SRGAP2: variants seen among roughly 807,000 people sequenced by gnomAD.
The protein encoded by SRGAP2 is SLIT-ROBO Rho GTPase activating protein 2.
SRGAP2 carries 15 observed loss-of-function variants against 57.2 expected under a neutral mutation model. That is an observed-to-expected ratio of 0.26 (90% CI 0.18 to 0.40). SRGAP2 has a LOEUF of 0.40. SRGAP2 is among the 10% of genes least tolerant of loss of function. The pLI is 1.00. For synonymous variants in SRGAP2, 249 were observed against 248.0 expected (o/e 1.00, Z -0.04); for missense variants, 520 against 669.6 (o/e 0.78, Z 2.47).
intron 10 of SRGAP2, among the ~76,000 whole-genome samples, chr1:206,413,609 TG>T (rs1659407824): frequency 6.6e-6 from 1 of 152,226 alleles, no homozygotes; most frequent in African/African-American, 2.4e-5. Flanking sequence ...GGGCTTGGTT[TG>T]TAACTGCTGA....
intron 14 of SRGAP2, among the ~76,000 whole-genome samples, chr1:206,435,085 C>A (rs1028492121): frequency 3.3e-5 from 5 of 152,180 alleles, no homozygotes; most frequent in African/African-American, 1.2e-4. Flanking sequence ...ACATTGCCTG[C>A]CACTCTGTGA....
At chr1:206,230,874 C>T (rs1331622608) in intron 2 of SRGAP2, among the ~76,000 whole-genome samples, 2 of 144,710 alleles carry the variant, frequency 1.4e-5, no homozygotes, top group East Asian at 3.9e-4. Flanking sequence ...GATCCGCTTA[C>T]CTCGGCCTCT....
In SRGAP2 at chr1:206,453,205, G is replaced by T; in HGVS notation, c.2185G>T (p.Glu729Ter). ...TTCTTTTCCACCCTTCTCAGAATGT[G>T]AGCCCATCGAGGCCATTGCCAAGTT... ...AEHHTSDDEC[E>*]PIEAIAKFDY... is the part of the protein sequence containing the mutation. Residue 729 changes from glutamate (E) to a stop codon, truncating the protein, a stop_gained, in exon 20 of 23, where the codon GAG becomes TAG. Coordinates refer to ENST00000573034, the MANE Select transcript of SRGAP2 (RefSeq NM_015326.5). LOFTEE classifies it high-confidence loss of function. 1.9e-6 allele frequency: 1 copy of T among 528,922 alleles called. No individual in the cohort carries two copies. Among genetic ancestry groups the T allele is most frequent in the South Asian group, 2.7e-5 (1 of 37,424 alleles). 32.8% of individuals were successfully genotyped at this position (528,922 alleles called of 1,614,324 possible).
At chr1:206,309,679 A>G (rs1672490425) in intron 3 of SRGAP2, among the ~76,000 whole-genome samples, 1 of 151,930 alleles carries the variant, frequency 6.6e-6, no homozygotes, top group Non-Finnish European at 1.5e-5. Flanking sequence ...TTGAATGGTG[A>G]TCCTACTTTG....
rs782181909 is a variant in SRGAP2 at position 206,446,296 on chromosome 1, A to G, written c.2096A>G (p.Tyr699Cys). 11 of 780,626 alleles carry G rather than the reference A, an allele frequency of 1.4e-5. No homozygotes were observed. The highest frequency in any genetic ancestry group is 1.9e-5 in the Non-Finnish European group (8 of 417,964). The allele number at this position is 780,626 out of a possible 1,614,324, so 48.4% of individuals were successfully genotyped here. ...AGCAGAGGAGGAAGCATGGAGGATT[A>G]CTGGTAGGGGGGCTTGGGACGGGAG... ...VYSRGGSMED[Y>C]CDSPHGETTS... Residue 699 changes from tyrosine (Y) to cysteine (C), a missense_variant, in exon 18 of 23, where the codon TAC becomes TGC. Tyr to Cys is a radical substitution (Grantham distance 194). Coordinates refer to ENST00000573034, the MANE Select transcript of SRGAP2 (RefSeq NM_015326.5).
chr1:206,206,062 C>G, intron 2 of SRGAP2, 25 bp downstream of exon 2: 2 of 1,548,192 alleles, frequency 1.3e-6, no homozygotes, highest in South Asian at 2.4e-5. Context: ...AAATAGCACA[C>G]TGCAAATGCT....
rs2103381477 is a variant in SRGAP2, at chr1:206,450,484, T to C, written c.2179+19T>C. 1.3e-6 allele frequency: 1 copy of C among 780,584 alleles called. No homozygotes were observed. Among genetic ancestry groups the C allele is most frequent in the Non-Finnish European group, 2.4e-6 (1 of 417,860 alleles). The allele number at this position is 780,584 out of a possible 1,614,324, so 48.4% of individuals were successfully genotyped here. A position where few individuals can be genotyped will look rare whatever the true frequency, so the allele number is the denominator to read the frequency against. On this transcript the variant is annotated intron_variant, in intron 19 of 22. Transcript: ENST00000573034. ...GATGACGGTACGAGGCCCTGCTTCC[T>C]GGTCAGTGGGGACGCCAGGGGTGAG...
chr1:206,418,306 G>A (rs1294771000), intron 11 of SRGAP2, among the ~76,000 whole-genome samples: 1 of 152,182 alleles, frequency 6.6e-6, no homozygotes, highest in African/African-American at 2.4e-5. Flanking sequence ...CTGAGCCTTT[G>A]GTAACGAGAG....
At chr1:206,394,357 G>A (rs534764632) in intron 7 of SRGAP2, among the ~76,000 whole-genome samples, 1 of 152,290 alleles carries the variant, frequency 6.6e-6, no homozygotes, top group Non-Finnish European at 1.5e-5. Flanking sequence ...CCCTGCACCC[G>A]ACCTAGGAAA....
In SRGAP2 at chr1:206,437,958, C is replaced by G; in HGVS notation, c.1634-6C>G. 3 of 780,680 alleles carry G rather than the reference C, an allele frequency of 3.8e-6. No homozygotes were observed. Among genetic ancestry groups the G allele is most frequent in the Non-Finnish European group, 7.2e-6 (3 of 417,930 alleles). The allele number at this position is 780,680 out of a possible 1,614,324, so 48.4% of individuals were successfully genotyped here. On this transcript the variant is annotated splice_region_variant and splice_polypyrimidine_tract_variant and intron_variant, in intron 15 of 22. Transcript: ENST00000573034. The stretch of plus-strand genomic sequence containing the variant: ...TTTCCTTTTCGTGGGGGTTGCTTAT[C>G]CTCAGGAGAGGACCCCCTGGCTGGG...
intron 10 of SRGAP2, among the ~76,000 whole-genome samples, chr1:206,415,623 G>A (rs1659633932): frequency 6.6e-6 from 1 of 152,144 alleles, no homozygotes; most frequent in African/African-American, 2.4e-5. Flanking sequence ...CAGTGAAACT[G>A]CAGGAGAGGG....
intron 2 of SRGAP2, among the ~76,000 whole-genome samples, chr1:206,275,829 A>T (rs1423671651): frequency 6.6e-6 from 1 of 151,900 alleles, no homozygotes; most frequent in Non-Finnish European, 1.5e-5. Flanking sequence ...ATTTGCCAGG[A>T]TGGTCTCGAT....
At chr1:206,229,988 C>T (rs1667530309) in intron 2 of SRGAP2, among the ~76,000 whole-genome samples, 1 of 150,030 alleles carries the variant, frequency 6.7e-6, no homozygotes, top group South Asian at 2.1e-4. Flanking sequence ...TTAGGATCTC[C>T]CAGAAGATAA....
chr1:206,338,756 C>G (rs553950980), intron 3 of SRGAP2, among the ~76,000 whole-genome samples: 5 of 96,908 alleles, frequency 5.2e-5, no homozygotes, highest in African/African-American at 2.5e-4. Context: ...CTGAGAACTC[C>G]TGGAAGAAAC....
At chr1:206,351,514 T>A (rs1369288216) in intron 4 of SRGAP2, among the ~76,000 whole-genome samples, 3 of 152,110 alleles carry the variant, frequency 2.0e-5, no homozygotes, top group Admixed American at 1.3e-4. Context: ...CAGTTTATCT[T>A]GTTGGTAGCA....
intron 14 of SRGAP2, among the ~76,000 whole-genome samples, chr1:206,430,939 A>G (rs1178542788): frequency 6.6e-6 from 1 of 152,234 alleles, no homozygotes; most frequent in Non-Finnish European, 1.5e-5. Context: ...AACTAGTGCT[A>G]TGAAAATTTC....
At chr1:206,260,789 C>A (rs563474151) in intron 2 of SRGAP2, among the ~76,000 whole-genome samples, 35 of 152,310 alleles carry the variant, frequency 2.3e-4, no homozygotes, top group African/African-American at 7.9e-4. Flanking sequence ...AGCAATACTT[C>A]AGTGAACAAA....
chr1:206,432,373 T>G (rs1423464854), intron 14 of SRGAP2, among the ~76,000 whole-genome samples: 3 of 152,202 alleles, frequency 2.0e-5, no homozygotes, highest in Admixed American at 6.5e-5. Flanking sequence ...TGGCAGTATC[T>G]AACAAAACTT....
chr1:206,442,854 G>C (rs1420750979), intron 17 of SRGAP2, among the ~76,000 whole-genome samples: 1 of 152,172 alleles, frequency 6.6e-6, no homozygotes, highest in African/African-American at 2.4e-5. Context: ...TCCCGATGCA[G>C]ACTCTGCCTG....
Sources: gnomAD v4.1 joint callset for allele counts (sites outside exome capture counted in the v4.1 genomes callset) on GRCh38, gnomAD v4.1.1 for gene constraint, MANE v1.5 for transcripts, NCBI Gene and HGNC (gene_info 2026-07-23, HGNC 2026-07-21) for gene names.